Variants in DSCAML1 observed in about 807,000 individuals in gnomAD.
The protein encoded by DSCAML1 is cell adhesion molecule DSCAML1.
DSCAML1 carries 38 observed loss-of-function variants against 200.5 expected under a neutral mutation model. The ratio of observed to expected loss-of-function variants is 0.19; its 90% CI spans 0.15 to 0.25. The LOEUF (loss-of-function observed/expected upper bound fraction) is 0.25. Ranked by LOEUF, DSCAML1 falls within the 10% of genes least tolerant of loss-of-function variation. The pLI is 1.00. For missense variants in DSCAML1, 2,223 were observed against 2,858.8 expected (o/e 0.78, Z 5.07); for synonymous variants, 1,215 against 1,165.0 (o/e 1.04, Z -0.87).
chr11:117,535,334 G>A (rs1170808216), intron 3 of DSCAML1, among the ~76,000 whole-genome samples: 1 of 152,222 alleles, frequency 6.6e-6, no homozygotes, highest in Non-Finnish European at 1.5e-5. Context: ...ATTGATCCCG[G>A]TTGAGCTACA....
intron 21 of DSCAML1, 113 bp from the exon 22 acceptor site, chr11:117,440,049 C>A: frequency 1.1e-6 from 1 of 901,196 alleles, no homozygotes; most frequent in East Asian, 2.4e-5. Flanking sequence ...CCCGATCTGA[C>A]CTCCACCTTG....
chr11:117,535,265 C>G (rs1485632058), intron 3 of DSCAML1, among the ~76,000 whole-genome samples: 1 of 152,232 alleles, frequency 6.6e-6, no homozygotes, highest in Admixed American at 6.5e-5. Context: ...GCTGCCATGC[C>G]ACTTTCCCTC....
intron 3 of DSCAML1, among the ~76,000 whole-genome samples, chr11:117,686,467 G>A (rs1254406901): frequency 2.0e-5 from 3 of 152,202 alleles, no homozygotes; most frequent in Non-Finnish European, 4.4e-5. Flanking sequence ...CCTTCGCACT[G>A]CGGGTCCACA....
At chr11:117,432,155 G>A (rs2047813968) in intron 30 of DSCAML1, among the ~76,000 whole-genome samples, 197 bp downstream of exon 30, 1 of 152,178 alleles carries the variant, frequency 6.6e-6, no homozygotes, top group Non-Finnish European at 1.5e-5. Flanking sequence ...GAGAGATAAA[G>A]TTAGTGATAC....
chr11:117,549,956 G>A (rs1173218723), intron 3 of DSCAML1, among the ~76,000 whole-genome samples: 1 of 152,104 alleles, frequency 6.6e-6, no homozygotes, highest in African/African-American at 2.4e-5. Context: ...ATGAGTATAT[G>A]AGTGCTCTGC....
intron 3 of DSCAML1, among the ~76,000 whole-genome samples, chr11:117,727,016 C>T (rs567609260): frequency 6.6e-6 from 1 of 152,250 alleles, no homozygotes; most frequent in South Asian, 2.1e-4. Context: ...TAAGTGTGTA[C>T]TGTGTGCCAG....
At chr11:117,506,105 T>C (rs1028523628) in intron 8 of DSCAML1, among the ~76,000 whole-genome samples, 4 of 152,200 alleles carry the variant, frequency 2.6e-5, no homozygotes, top group African/African-American at 9.7e-5. Flanking sequence ...CTCACAGCTC[T>C]CTGGGGGCCT....
chr11:117,607,738 A>G (rs2051598388), intron 3 of DSCAML1, among the ~76,000 whole-genome samples: 1 of 152,192 alleles, frequency 6.6e-6, no homozygotes, highest in South Asian at 2.1e-4. Context: ...ACAGATGGTG[A>G]GGGCAGGACC....
chr11:117,638,860 G>T (rs965650045), intron 3 of DSCAML1, among the ~76,000 whole-genome samples: 1 of 152,148 alleles, frequency 6.6e-6, no homozygotes, highest in Admixed American at 6.5e-5. Flanking sequence ...AAGTTTTTGC[G>T]TGGATGTATG....
chr11:117,520,154 C>T (rs183882786), intron 6 of DSCAML1, among the ~76,000 whole-genome samples: 3 of 152,258 alleles, frequency 2.0e-5, no homozygotes, highest in East Asian at 3.9e-4. Context: ...GTGGTGCCTC[C>T]TCTGTGTGGG....
At chr11:117,624,530 CTTTT>C (rs952071889) in intron 3 of DSCAML1, among the ~76,000 whole-genome samples, 1 of 151,992 alleles carries the variant, frequency 6.6e-6, no homozygotes, top group Non-Finnish European at 1.5e-5. Context: ...GTGTTTTGGC[CTTTT>C]TTTATGGCTT....
intron 3 of DSCAML1, among the ~76,000 whole-genome samples, chr11:117,627,330 T>C (rs2052069179): frequency 1.3e-5 from 2 of 152,096 alleles, no homozygotes; most frequent in Non-Finnish European, 2.9e-5. Context: ...AAAAGCTCCT[T>C]CCTCACCACC....
At position 117,780,951 on chromosome 11, in the gene DSCAML1, A is replaced by G; in HGVS notation, c.47-141T>C. 1.7e-6 allele frequency: 1 copy of G among 583,950 alleles called. No homozygotes were observed. Among genetic ancestry groups the G allele is most frequent in the Non-Finnish European group, 2.6e-6 (1 of 382,718 alleles). 36.2% of individuals were successfully genotyped at this position (583,950 alleles called of 1,614,324 possible). On this transcript the variant is annotated intron_variant, in intron 1 of 32. Transcript: ENST00000651296. This position sits in a 1 kb window ranked among gnomAD's most constrained non-coding sequence, Gnocchi z 4.8. ...TTCAGTATGCACTTATTGAGCACTGACTATACACCAGGCACTGGCAAAGGT... is the reference window on the plus strand; with the variant it reads ...TTCAGTATGCACTTATTGAGCACTGGCTATACACCAGGCACTGGCAAAGGT...
At chr11:117,640,485 T>G (rs2052385395) in intron 3 of DSCAML1, among the ~76,000 whole-genome samples, 1 of 152,218 alleles carries the variant, frequency 6.6e-6, no homozygotes, top group Non-Finnish European at 1.5e-5. Context: ...TAGTCAGGAC[T>G]GAAAGCCAGC....
At chr11:117,635,145 C>T (rs909465421) in intron 3 of DSCAML1, among the ~76,000 whole-genome samples, 1 of 152,218 alleles carries the variant, frequency 6.6e-6, no homozygotes, top group Non-Finnish European at 1.5e-5. Flanking sequence ...AAATGCATAA[C>T]CCCAATATTT....
chr11:117,768,160 C>T (rs2054932494), intron 3 of DSCAML1, among the ~76,000 whole-genome samples: 10 of 152,128 alleles, frequency 6.6e-5, no homozygotes, highest in Admixed American at 6.5e-4. Context: ...ATTAGACACC[C>T]CGCAGTTTGT....
chr11:117,482,124 C>T lies in DSCAML1; in HGVS notation c.2398G>A (p.Ala800Thr), dbSNP rs762529072. ...MITSHPNTTI[A>T]IKGHAKELNC... ...AGCTCCTTCGCATGGCCCTTGATGG[C>T]GATGGTGGTGTTGGGGTGGGAAGTG... The change falls in exon 12 of 33, where the codon GCC (alanine) becomes ACC (threonine). Residue 800 changes from alanine to threonine, a missense_variant. Physicochemically the swap from Ala to Thr is moderately conservative, Grantham distance 58. This residue lies in a region of DSCAML1 where 438 missense variants were observed against 629.7 expected (regional missense o/e 0.70). Coordinates refer to ENST00000651296, the MANE Select transcript of DSCAML1 (RefSeq NM_020693.4). 6 of 1,614,106 alleles carry T rather than the reference C, an allele frequency of 3.7e-6. No homozygotes were observed. The highest frequency in any genetic ancestry group is 5.1e-6 in the Non-Finnish European group (6 of 1,179,994).
At chr11:117,682,413 C>T (rs1481976902) in intron 3 of DSCAML1, among the ~76,000 whole-genome samples, 1 of 152,178 alleles carries the variant, frequency 6.6e-6, no homozygotes, top group African/African-American at 2.4e-5. Flanking sequence ...GTGCTTCTTC[C>T]CCTACCTCAC....
At chr11:117,539,268 T>G (rs1255816647) in intron 3 of DSCAML1, among the ~76,000 whole-genome samples, 1 of 152,146 alleles carries the variant, frequency 6.6e-6, no homozygotes, top group African/African-American at 2.4e-5. Flanking sequence ...GCAAACCTCT[T>G]GTCCTGCTAA....
Sources: gnomAD v4.1 joint callset for allele counts (sites outside exome capture counted in the v4.1 genomes callset) on GRCh38, gnomAD v4.1.1 for gene constraint, gnomAD v4.1.1 regional missense constraint, Gnocchi (gnomAD v3.1) non-coding constraint, MANE v1.5 for transcripts, NCBI Gene and HGNC (gene_info 2026-07-23, HGNC 2026-07-21) for gene names.